Variants in PDE10A observed in about 807,000 individuals in gnomAD.
PDE10A encodes the protein phosphodiesterase 10A, also known as cAMP and cAMP-inhibited cGMP 3',5'-cyclic phosphodiesterase 10A.
Under a neutral mutation model 97.7 loss-of-function variants are expected in PDE10A, and 39 were observed. The observed-to-expected ratio is 0.40, with a 90% confidence interval of 0.31 to 0.52. PDE10A has a LOEUF of 0.52. Ranked by LOEUF, PDE10A falls within the 20% of genes least tolerant of loss-of-function variation. The probability of loss-of-function intolerance (pLI) is 0.56; values close to 1 mark genes in which losing one functional copy is unlikely to be tolerated. For missense variants in PDE10A, 731 were observed against 1,047.8 expected, an observed-to-expected ratio of 0.70 and a Z score of 4.17; for synonymous variants, 371 against 376.8, an observed-to-expected ratio of 0.98 and a Z score of 0.18.
intron 1 of PDE10A, among the ~76,000 whole-genome samples, chr6:165,617,636 G>C (rs1261177274): frequency 1.3e-5 from 2 of 152,114 alleles, no homozygotes; most frequent in Non-Finnish European, 2.9e-5. Flanking sequence ...ATCCCAGTCT[G>C]CCCACTCGGG....
chr6:165,619,564 A>AGTCTAATGTAGCGTAGTG lies in PDE10A; in HGVS notation c.865+42382_865+42383insCACTACGCTACATTAGAC, dbSNP rs1562635276. On this transcript the variant is annotated intron_variant, in intron 1 of 21. Transcript: ENST00000539869. ...GTAGTGTAGTGTAGTCTAGTGTAGT[A>AGTCTAATGTAGCGTAGTG]TACTGTAGTCTAGCGTAGTGTACTG... Among the ~76,000 whole-genome samples the AGTCTAATGTAGCGTAGTG allele has an allele frequency of 4.1e-3, 18 of 4,424 alleles. 4 individuals carry two copies. Among genetic ancestry groups the AGTCTAATGTAGCGTAGTG allele is most frequent in the African/African-American group, 6.6e-3 (8 of 1,206 alleles). 2.9% of individuals were successfully genotyped at this position (4,424 alleles called of 152,430 possible). A position where few individuals can be genotyped will look rare whatever the true frequency, so the allele number is the denominator to read the frequency against.
At chr6:165,706,038 T>A (rs549946967) in intron 1 of PDE10A, among the ~76,000 whole-genome samples, 1 of 152,170 alleles carries the variant, frequency 6.6e-6, no homozygotes, top group Non-Finnish European at 1.5e-5. Flanking sequence ...ACACTCCTAA[T>A]GCATAGCTCT....
chr6:165,393,013 G>T (rs1562416210), intron 15 of PDE10A, among the ~76,000 whole-genome samples: 1 of 152,060 alleles, frequency 6.6e-6, no homozygotes, highest in Non-Finnish European at 1.5e-5. Context: ...ACTCTTTTAT[G>T]GTATCTGTTG....
chr6:165,685,989 T>C (rs1434807430), intron 1 of PDE10A, among the ~76,000 whole-genome samples: 1 of 152,168 alleles, frequency 6.6e-6, no homozygotes, highest in Non-Finnish European at 1.5e-5. Context: ...TCCATGAGCC[T>C]AATTGTGTTT....
At chr6:165,609,937 G>C (rs1000647731) in intron 1 of PDE10A, among the ~76,000 whole-genome samples, 13 of 152,118 alleles carry the variant, frequency 8.5e-5, no homozygotes, top group Non-Finnish European at 1.9e-4. Flanking sequence ...TACTGCCCAA[G>C]GTAATTTATA....
At position 165,418,053 on chromosome 6, in the gene PDE10A, T is replaced by A. The variant is rs1291753211; in HGVS notation, c.1796+582A>T. 1.3e-5 allele frequency among the ~76,000 whole-genome samples: 2 copies of A among 152,152 alleles called. No individual in the cohort carries two copies. Among genetic ancestry groups the A allele is most frequent in the Admixed American group, 1.3e-4 (2 of 15,274 alleles). ...CAGGTGCGATATGAGCAAGCCCCCATGCCTCCATCAACAAAATAAACTCCA... is the reference window on the plus strand; with the variant it reads ...CAGGTGCGATATGAGCAAGCCCCCAAGCCTCCATCAACAAAATAAACTCCA... On this transcript the variant is annotated intron_variant, in intron 11 of 21. Coordinates refer to ENST00000539869, the MANE Select transcript of PDE10A (RefSeq NM_001385079.1). The surrounding 1 kb of genome is among the most constrained non-coding windows in gnomAD (Gnocchi z 4.8).
chr6:165,791,352 G>A (rs1778643925), intron 1 of PDE10A, among the ~76,000 whole-genome samples: 1 of 152,092 alleles, frequency 6.6e-6, no homozygotes, highest in Non-Finnish European at 1.5e-5. Context: ...GCCACATATT[G>A]CAGAATGTCC....
intron 20 of PDE10A, among the ~76,000 whole-genome samples, chr6:165,336,610 GC>G (rs1057171701): frequency 4.2e-5 from 6 of 141,834 alleles, no homozygotes; most frequent in African/African-American, 1.6e-4. Context: ...TTAGCTGGGC[GC>G]GGTGGCAGGC....
chr6:165,364,496 C>T lies in PDE10A; in HGVS notation c.2783+14698G>A, dbSNP rs1002048129. On this transcript the variant is annotated intron_variant, in intron 18 of 21. Coordinates refer to ENST00000539869, the MANE Select transcript of PDE10A (RefSeq NM_001385079.1). Reference sequence around the variant, plus strand: ...GTCTATGGTATTTCGTTATAATAGCCTGAAGGGACTAAGACACACATATAA... The same window carrying T: ...GTCTATGGTATTTCGTTATAATAGCTTGAAGGGACTAAGACACACATATAA... Among the ~76,000 whole-genome samples, 6 of 152,142 alleles carry T rather than the reference C, an allele frequency of 3.9e-5. No homozygotes were observed. In the South Asian group the frequency reaches 1.2e-3, roughly 32 times the overall value.
At chr6:165,384,708 T>G (rs1785177396) in intron 17 of PDE10A, among the ~76,000 whole-genome samples, 1 of 151,290 alleles carries the variant, frequency 6.6e-6, no homozygotes, top group Non-Finnish European at 1.5e-5. Flanking sequence ...TTCAAGTCTA[T>G]TGTATTATTC....
rs1440100601 is a variant in PDE10A, at chr6:165,912,334, A to G, written c.-615+75195T>C. 4.6e-5 allele frequency among the ~76,000 whole-genome samples: 7 copies of G among 152,256 alleles called. No individual in the cohort carries two copies. The East Asian group carries it at 1.4e-3, about 29-fold the overall frequency. On this transcript the variant is annotated intron_variant, in intron 1 of 19. Coordinates refer to the PDE10A transcript ENST00000366882. Reference sequence around the variant, plus strand: ...GTGAAGGCATCTACTCACAAAATATATCAGTAACTCCCACATTAACACCCG... The same window carrying G: ...GTGAAGGCATCTACTCACAAAATATGTCAGTAACTCCCACATTAACACCCG...
In PDE10A at chr6:165,448,886, T is replaced by C. The variant is rs376766084; in HGVS notation, c.1194+42A>G. The C allele has an allele frequency of 7.9e-5, 100 of 1,264,442 alleles. 2 individuals carry two copies. The highest frequency in any genetic ancestry group is 7.2e-4 in the South Asian group (54 of 75,512). The allele number at this position is 1,264,442 out of a possible 1,614,324, so 78.3% of individuals were successfully genotyped here. A position where few individuals can be genotyped will look rare whatever the true frequency, so the allele number is the denominator to read the frequency against. On this transcript the variant is annotated intron_variant, in intron 5 of 21. Transcript: ENST00000539869. ...AACTTTTTTAAAGGAGCTTATGATA[T>C]TTTCTTATCTAGAGCACCAAAATCT...
At chr6:165,522,799 T>G (rs528304389) in intron 2 of PDE10A, among the ~76,000 whole-genome samples, 44 of 152,068 alleles carry the variant, frequency 2.9e-4, no homozygotes, top group Non-Finnish European at 6.0e-4. Flanking sequence ...GAAAGAATTA[T>G]AAAAGACACC....
chr6:165,386,500 A>G lies in PDE10A; in HGVS notation c.2610+1798T>C, dbSNP rs376284509. On this transcript the variant is annotated intron_variant, in intron 17 of 21. Coordinates refer to ENST00000539869, the MANE Select transcript of PDE10A (RefSeq NM_001385079.1). ...GATGCTAATTCAGTGACTCCTAATT[A>G]TTTTTAAGTGAAGTCATCCTGATGT... 3.1e-4 allele frequency among the ~76,000 whole-genome samples: 47 copies of G among 152,298 alleles called. 1 individual carries two copies. In the East Asian group the frequency reaches 8.5e-3, roughly 28 times the overall value.
intron 1 of PDE10A, among the ~76,000 whole-genome samples, chr6:165,942,566 G>T (rs564576584): frequency 2.6e-5 from 4 of 152,022 alleles, no homozygotes; most frequent in African/African-American, 4.8e-5. Flanking sequence ...AGGGCTCGCC[G>T]CTCTGCCCCC....
chr6:165,457,310 T>C (rs1210511231), intron 3 of PDE10A, among the ~76,000 whole-genome samples: 1 of 151,528 alleles, frequency 6.6e-6, no homozygotes. Context: ...ACTGCAGCAT[T>C]CGTAATTCGA....
At chr6:165,608,795 A>C (rs1787351004) in intron 1 of PDE10A, among the ~76,000 whole-genome samples, 1 of 152,154 alleles carries the variant, frequency 6.6e-6, no homozygotes. Flanking sequence ...CTTTTTAATG[A>C]TTGCCATTCT....
At chr6:165,717,575 C>G (rs1172940097) in intron 1 of PDE10A, among the ~76,000 whole-genome samples, 4 of 127,730 alleles carry the variant, frequency 3.1e-5, no homozygotes, top group Admixed American at 1.5e-4. Context: ...CAGAGAGAGA[C>G]TCCGTCTCAA....
At chr6:165,639,353 A>G (rs1789021990) in intron 1 of PDE10A, among the ~76,000 whole-genome samples, 1 of 152,138 alleles carries the variant, frequency 6.6e-6, no homozygotes, top group Non-Finnish European at 1.5e-5. Context: ...CCTTCCCTTC[A>G]TTTGCACAAT....
Sources: gnomAD v4.1 joint callset for allele counts (sites outside exome capture counted in the v4.1 genomes callset) on GRCh38, gnomAD v4.1.1 for gene constraint, Gnocchi (gnomAD v3.1) non-coding constraint, MANE v1.5 for transcripts, NCBI Gene and HGNC (gene_info 2026-07-23, HGNC 2026-07-21) for gene names.